The following CA10 variants were observed in gnomAD, a reference collection of about 807,000 sequenced individuals.
The protein encoded by CA10 is carbonic anhydrase 10 (inactive).
Under a neutral mutation model 44.2 loss-of-function variants are expected in CA10, and 14 were observed. That is an observed-to-expected ratio of 0.32 (90% confidence interval 0.21 to 0.50). The LOEUF is 0.50. Ranked by LOEUF, CA10 falls within the 20% of genes least tolerant of loss-of-function variation. The pLI is 0.99. For synonymous variants in CA10, 159 were observed against 141.6 expected (o/e 1.12, Z -0.87); for missense variants, 350 against 409.7 (o/e 0.85, Z 1.26).
intron 2 of CA10, among the ~76,000 whole-genome samples, chr17:52,062,040 A>G (rs1987400758): frequency 6.6e-6 from 1 of 151,084 alleles, no homozygotes; most frequent in African/African-American, 2.4e-5. Context: ...CCGCAAAGCA[A>G]AGCTTTCAAG....
rs1419917033 is a variant in CA10 at position 51,861,541 on chromosome 17, G to A, written c.279+69449C>T. Among the ~76,000 whole-genome samples the A allele has an allele frequency of 4.3e-5, 6 of 138,994 alleles. No individual in the cohort carries two copies. In the East Asian group the frequency reaches 1.2e-3, roughly 28 times the overall value. The allele number at this position is 138,994 out of a possible 152,430, so 91.2% of individuals were successfully genotyped here. A position where few individuals can be genotyped will look rare whatever the true frequency, so the allele number is the denominator to read the frequency against. The stretch of plus-strand genomic sequence containing the variant: ...AGAACTAGGTCACTATTGCAGATGT[G>A]TGTTTTTTTTTTTTTTAATGAGATG... On this transcript the variant is annotated intron_variant, in intron 3 of 8. Coordinates refer to ENST00000451037, the MANE Select transcript of CA10 (RefSeq NM_020178.5).
At chr17:51,852,305 T>G (rs558884107) in intron 3 of CA10, among the ~76,000 whole-genome samples, 1 of 151,990 alleles carries the variant, frequency 6.6e-6, no homozygotes, top group Non-Finnish European at 1.5e-5. Flanking sequence ...TGGGCTTGTC[T>G]GTGTTCTCCA....
intron 1 of CA10, among the ~76,000 whole-genome samples, chr17:52,129,611 G>A (rs1989188914): frequency 6.6e-6 from 1 of 152,160 alleles, no homozygotes; most frequent in South Asian, 2.1e-4. Flanking sequence ...TCCTTTTATA[G>A]TACCAAAAAC....
chr17:52,092,414 C>G (rs932459180), intron 1 of CA10, among the ~76,000 whole-genome samples: 3 of 152,128 alleles, frequency 2.0e-5, no homozygotes, highest in African/African-American at 7.2e-5. Flanking sequence ...GAATTTTGTC[C>G]AAAGGCCACC....
intron 1 of CA10, among the ~76,000 whole-genome samples, chr17:52,152,884 G>A (rs1051176227): frequency 1.3e-5 from 2 of 152,100 alleles, no homozygotes; most frequent in African/African-American, 4.8e-5. Flanking sequence ...TTGAGATTCT[G>A]AGAGGTAAAG....
At chr17:51,851,162 T>C (rs1041500169) in intron 3 of CA10, among the ~76,000 whole-genome samples, 3 of 152,240 alleles carry the variant, frequency 2.0e-5, no homozygotes, top group Admixed American at 1.3e-4. Flanking sequence ...TATGTGACTT[T>C]GGAGGTATCA....
intron 3 of CA10, among the ~76,000 whole-genome samples, chr17:51,826,907 C>T (rs1316551730): frequency 6.6e-6 from 1 of 152,208 alleles, no homozygotes; most frequent in Non-Finnish European, 1.5e-5. Context: ...GTGCTGGACA[C>T]TGCATTCTCC....
At chr17:52,071,183 T>A (rs772822486) in intron 2 of CA10, among the ~76,000 whole-genome samples, 5 of 152,188 alleles carry the variant, frequency 3.3e-5, no homozygotes, top group Non-Finnish European at 4.4e-5. Flanking sequence ...TTAATCAAGT[T>A]CGGTTTCTAT....
intron 3 of CA10, among the ~76,000 whole-genome samples, chr17:51,802,887 G>A (rs1023674601): frequency 2.0e-5 from 3 of 152,140 alleles, no homozygotes; most frequent in Non-Finnish European, 4.4e-5. Context: ...GAATCTGCCT[G>A]TATTTAAGTG....
rs376432452 is a variant in CA10 at position 51,947,424 on chromosome 17, G to C, written c.137-16292C>G. 1.9e-4 allele frequency among the ~76,000 whole-genome samples: 29 copies of C among 151,376 alleles called. 2 individuals carry two copies. In the South Asian group the frequency reaches 6.1e-3, roughly 32 times the overall value. ...TTGTCAGTGTAGATGTGACCTTGCC[G>C]GTCTCTTTGCAGACTATATTAGTGC... On this transcript the variant is annotated intron_variant, in intron 2 of 8. Coordinates refer to ENST00000451037, the MANE Select transcript of CA10 (RefSeq NM_020178.5).
intron 2 of CA10, among the ~76,000 whole-genome samples, chr17:52,047,682 C>T (rs1438968174): frequency 2.0e-5 from 3 of 151,762 alleles, no homozygotes; most frequent in Admixed American, 2.0e-4. Context: ...TTGCAGCTTT[C>T]CTTCCAGAGT....
chr17:51,848,074 G>A (rs1978577377), intron 3 of CA10, among the ~76,000 whole-genome samples: 1 of 152,146 alleles, frequency 6.6e-6, no homozygotes, highest in African/African-American at 2.4e-5. Context: ...TTTAAGAGGT[G>A]CCAAAATCTC....
chr17:51,767,153 A>G (rs9904076), intron 3 of CA10, among the ~76,000 whole-genome samples: 102,218 of 152,070 alleles, frequency 0.67, 34,467 homozygotes, highest in East Asian at 0.79. Flanking sequence ...CATGAGGAGG[A>G]TTTAATTATG....
chr17:51,693,906 T>C (rs1027082468), intron 4 of CA10, among the ~76,000 whole-genome samples: 2 of 152,108 alleles, frequency 1.3e-5, no homozygotes, highest in Non-Finnish European at 2.9e-5. Context: ...TCTAAGTTCT[T>C]TAAGAAATTC....
At chr17:52,099,847 G>A (rs1311448730) in intron 1 of CA10, among the ~76,000 whole-genome samples, 9 of 152,218 alleles carry the variant, frequency 5.9e-5, no homozygotes, top group Non-Finnish European at 1.0e-4. Flanking sequence ...GTGTTTCAAG[G>A]AGGCAGGGCC....
chr17:52,137,810 A>C (rs1484492421), intron 1 of CA10, among the ~76,000 whole-genome samples: 4 of 152,248 alleles, frequency 2.6e-5, no homozygotes, highest in Admixed American at 2.6e-4. Context: ...ACCTAGCTTT[A>C]GGAATCTATT....
At chr17:52,117,196 T>TTAA (rs766402928) in intron 1 of CA10, among the ~76,000 whole-genome samples, 5 of 152,234 alleles carry the variant, frequency 3.3e-5, no homozygotes, top group Non-Finnish European at 7.3e-5. Flanking sequence ...CTTGCCACTC[T>TTAA]TAATGCATGC....
intron 8 of CA10, among the ~76,000 whole-genome samples, chr17:51,632,922 G>A (rs1403137817): frequency 1.3e-5 from 2 of 152,136 alleles, no homozygotes; most frequent in African/African-American, 2.4e-5. Flanking sequence ...ACATAGCACT[G>A]GGCAAAGATA....
In CA10 at chr17:52,127,060, A is replaced by C. The variant is rs559651632; in HGVS notation, c.61+30666T>G. On this transcript the variant is annotated intron_variant, in intron 1 of 8. Transcript: ENST00000451037. ...CACAATAATTCAGACAGTAATTAAA[A>C]GGCTCAAGTTCCTTTTACCTATTCT... Among the ~76,000 whole-genome samples, 3 of 152,352 alleles carry C rather than the reference A, an allele frequency of 2.0e-5. No homozygotes were observed. In the South Asian group the frequency reaches 6.2e-4, roughly 32 times the overall value.
Sources: allele counts gnomAD v4.1 joint callset (sites outside exome capture counted in the v4.1 genomes callset), GRCh38; gene constraint gnomAD v4.1.1; transcripts MANE v1.5; gene names NCBI Gene and HGNC (gene_info 2026-07-23, HGNC 2026-07-21).